Variants in SLC25A12 observed in about 807,000 individuals in gnomAD.
SLC25A12 encodes the protein electrogenic aspartate/glutamate antiporter SLC25A12, mitochondrial.
Under a neutral mutation model 83.3 loss-of-function variants are expected in SLC25A12, and 32 were observed. The observed-to-expected ratio is 0.38, with a 90% CI of 0.29 to 0.52. The LOEUF (loss-of-function observed/expected upper bound fraction) is 0.52. Ranked by LOEUF, SLC25A12 falls within the 20% of genes least tolerant of loss-of-function variation. SLC25A12 has a pLI of 0.84. For missense variants in SLC25A12, 611 were observed against 835.6 expected (o/e 0.73, Z 3.31); for synonymous variants, 267 against 291.1 (o/e 0.92, Z 0.84).
At chr2:171,869,205 T>G (rs146393280) in intron 2 of SLC25A12, among the ~76,000 whole-genome samples, 92 of 152,328 alleles carry the variant, frequency 6.0e-4, no homozygotes, top group African/African-American at 1.7e-3. Flanking sequence ...TGCTTACTGG[T>G]TATCAGATTT....
At chr2:171,829,617 T>C (rs1185605763) in intron 8 of SLC25A12, among the ~76,000 whole-genome samples, 1 of 152,048 alleles carries the variant, frequency 6.6e-6, no homozygotes, top group Non-Finnish European at 1.5e-5. Context: ...CTGGTCTGAG[T>C]GTAGGTCCCC....
Position 171,787,622 on chromosome 2 carries a change from A to G in SLC25A12, c.1784T>C (p.Leu595Ser). The change falls in exon 17 of 18, where the codon TTG becomes TCG. Residue 595 changes from leucine to serine, a missense_variant. By Grantham distance (145) the Leu-to-Ser change is moderately radical. Coordinates refer to ENST00000422440, the MANE Select transcript of SLC25A12 (RefSeq NM_003705.5). ...FRSSPQFGVTLVTYELLQRWF... is the reference protein window; with the variant it reads ...FRSSPQFGVTSVTYELLQRWF... ...CCGCTGGAGAAGTTCATAAGTGACC[A>G]AGGTAACACCAAACTGGGGAGAGGA... The G allele has an allele frequency of 6.2e-7, 1 of 1,614,214 alleles. No individual in the cohort carries two copies. Among genetic ancestry groups the G allele is most frequent in the Non-Finnish European group, 8.5e-7 (1 of 1,180,030 alleles).
intron 8 of SLC25A12, among the ~76,000 whole-genome samples, chr2:171,829,703 T>C (rs12105803): frequency 5.5e-4 from 84 of 152,298 alleles, no homozygotes; most frequent in African/African-American, 1.8e-3. Flanking sequence ...AATTTGCAGA[T>C]AGGTTCCAAG....
In SLC25A12 at chr2:171,787,586, A is replaced by G. The variant is rs762487612; in HGVS notation, c.1820T>C (p.Ile607Thr). The G allele has an allele frequency of 3.1e-6, 5 of 1,613,760 alleles. No individual in the cohort carries two copies. The highest frequency in any genetic ancestry group is 4.2e-6 in the Non-Finnish European group (5 of 1,179,758). Reference protein sequence around the residue: ...TYELLQRWFYIDFGGLKPAGS... With the variant: ...TYELLQRWFYTDFGGLKPAGS... ...GCTGACTTACAGGCCTCCAAAATCA[A>G]TGTAAAACCACCGCTGGAGAAGTTC... The change falls in exon 17 of 18, where the codon ATT (isoleucine) becomes ACT (threonine). Residue 607 changes from isoleucine to threonine, a missense_variant. Physicochemically the swap from Ile to Thr is moderately conservative, Grantham distance 89. Around this residue, in one of 3 missense-constraint regions of SLC25A12, gnomAD observed 540 missense variants for 777.5 expected, o/e 0.69. Coordinates refer to ENST00000422440, the MANE Select transcript of SLC25A12 (RefSeq NM_003705.5).
chr2:171,788,050 G>A lies in SLC25A12; in HGVS notation c.1586-103C>T, dbSNP rs538333437. 40 of 1,200,052 alleles carry A rather than the reference G, an allele frequency of 3.3e-5. No homozygotes were observed. In the South Asian group the frequency reaches 4.8e-4, roughly 14 times the overall value. 74.3% of individuals were successfully genotyped at this position (1,200,052 alleles called of 1,614,324 possible). A position where few individuals can be genotyped will look rare whatever the true frequency, so the allele number is the denominator to read the frequency against. On this transcript the variant is annotated intron_variant, in intron 15 of 17. Coordinates refer to ENST00000422440, the MANE Select transcript of SLC25A12 (RefSeq NM_003705.5). ...GCCTGCAACTTCAACCACTTGAGCG[G>A]AACTCAAAACTCTTTACATAGATGT... is the stretch of plus-strand genomic sequence containing the variant.
intron 13 of SLC25A12, among the ~76,000 whole-genome samples, chr2:171,798,552 A>G (rs1036056824): frequency 1.3e-5 from 2 of 152,266 alleles, no homozygotes; most frequent in African/African-American, 4.8e-5. Flanking sequence ...CATCAACTCC[A>G]GATGAACACA....
intron 8 of SLC25A12, among the ~76,000 whole-genome samples, chr2:171,832,033 C>T (rs1036332612): frequency 5.9e-5 from 9 of 152,102 alleles, no homozygotes; most frequent in African/African-American, 2.2e-4. Flanking sequence ...AGAGATTAAC[C>T]CTTCACATGA....
intron 2 of SLC25A12, among the ~76,000 whole-genome samples, chr2:171,870,190 A>G (rs1394146653): frequency 2.0e-5 from 3 of 152,244 alleles, no homozygotes; most frequent in East Asian, 3.8e-4. Context: ...AACTAGGCAA[A>G]TCAAAAGTTT....
intron 9 of SLC25A12, among the ~76,000 whole-genome samples, chr2:171,824,738 A>T (rs1030445546): frequency 7.9e-5 from 12 of 152,064 alleles, no homozygotes; most frequent in African/African-American, 2.4e-4. Context: ...TTATTTTTTT[A>T]AAATCACTGA....
intron 3 of SLC25A12, among the ~76,000 whole-genome samples, chr2:171,867,353 G>A (rs1222377603): frequency 6.6e-6 from 1 of 152,144 alleles, no homozygotes; most frequent in East Asian, 1.9e-4. Context: ...ATTGAGCACT[G>A]AGTGAACCAG....
At chr2:171,807,087 T>C (rs1683849548) in intron 13 of SLC25A12, among the ~76,000 whole-genome samples, 1 of 152,256 alleles carries the variant, frequency 6.6e-6, no homozygotes, top group African/African-American at 2.4e-5. Flanking sequence ...AACAATCATT[T>C]ATAGCATAGC....
At chr2:171,794,296 GAA>G (rs879543148) in intron 13 of SLC25A12, among the ~76,000 whole-genome samples, 1 of 152,112 alleles carries the variant, frequency 6.6e-6, no homozygotes, top group Non-Finnish European at 1.5e-5. Flanking sequence ...GTCAGAAGGG[GAA>G]AAGTCTCCTC....
At chr2:171,877,508 T>C (rs958435830) in intron 2 of SLC25A12, among the ~76,000 whole-genome samples, 6 of 151,518 alleles carry the variant, frequency 4.0e-5, no homozygotes, top group Non-Finnish European at 8.8e-5. Context: ...CTACTAAAAA[T>C]ACAAAAATTA....
chr2:171,869,610 A>T (rs1236088352), intron 2 of SLC25A12, among the ~76,000 whole-genome samples: 1 of 152,132 alleles, frequency 6.6e-6, no homozygotes, highest in African/African-American at 2.4e-5. Flanking sequence ...TACATCAATA[A>T]TTTTTTTAAA....
At chr2:171,829,577 T>A (rs774580973) in intron 8 of SLC25A12, among the ~76,000 whole-genome samples, 7 of 152,080 alleles carry the variant, frequency 4.6e-5, no homozygotes, top group Non-Finnish European at 8.8e-5. Flanking sequence ...AGCCCTGCTA[T>A]CCCTTAGGGA....
At chr2:171,876,518 A>G (rs1417214613) in intron 2 of SLC25A12, among the ~76,000 whole-genome samples, 1 of 123,282 alleles carries the variant, frequency 8.1e-6, no homozygotes, top group Non-Finnish European at 1.6e-5. Flanking sequence ...ATATATTTAA[A>G]TCAGGGGTTT....
chr2:171,826,734 C>A lies in SLC25A12; in HGVS notation c.930+64G>T. 2.2e-6 allele frequency: 2 copies of A among 896,996 alleles called. 1 individual carries two copies. The highest frequency in any genetic ancestry group is 2.6e-5 in the South Asian group (2 of 76,082). 55.6% of individuals were successfully genotyped at this position (896,996 alleles called of 1,614,324 possible). Reference sequence around the variant, plus strand: ...TTTTACAGCATTCAGAAGCTGTCAGCTCCTATTTAGTCTACTAGTTCAGCA... The same window carrying A: ...TTTTACAGCATTCAGAAGCTGTCAGATCCTATTTAGTCTACTAGTTCAGCA... On this transcript the variant is annotated intron_variant, in intron 9 of 17. Coordinates refer to ENST00000422440, the MANE Select transcript of SLC25A12 (RefSeq NM_003705.5).
At chr2:171,843,417 T>G (rs1243109989) in intron 5 of SLC25A12, among the ~76,000 whole-genome samples, 1 of 23,052 alleles carries the variant, frequency 4.3e-5, no homozygotes, top group African/African-American at 1.8e-4. Flanking sequence ...GCAGATCACT[T>G]GAGGCCAGGA....
At chr2:171,817,351 G>T (rs1312119463) in intron 9 of SLC25A12, among the ~76,000 whole-genome samples, 1 of 151,960 alleles carries the variant, frequency 6.6e-6, no homozygotes, top group Non-Finnish European at 1.5e-5. Flanking sequence ...CCTGTAATCT[G>T]AGCATTTTGG....
Sources: gnomAD v4.1 joint callset for allele counts (sites outside exome capture counted in the v4.1 genomes callset) on GRCh38, gnomAD v4.1.1 for gene constraint, gnomAD v4.1.1 regional missense constraint, MANE v1.5 for transcripts, NCBI Gene and HGNC (gene_info 2026-07-23, HGNC 2026-07-21) for gene names.